The following ZNF486 variants were observed in gnomAD, a reference collection of about 807,000 sequenced individuals.
ZNF486 encodes the protein KRAB box only protein 2.
A neutral mutation model predicts 12.8 loss-of-function variants in ZNF486; 12 were observed. That is an observed-to-expected ratio of 0.94 (90% confidence interval 0.60 to 1.52). The LOEUF (loss-of-function observed/expected upper bound fraction) is 1.52. Ranked by LOEUF, ZNF486 falls within the 40% of genes most tolerant of loss-of-function variation. The probability of loss-of-function intolerance (pLI) is 0.00; values close to 1 mark genes in which losing one functional copy is unlikely to be tolerated. For synonymous variants in ZNF486, 231 were observed against 184.9 expected (o/e 1.25, Z -2.02); for missense variants, 738 against 545.0 (o/e 1.35, Z -3.53).
At chr19:20,167,840 G>T (rs551686599) in intron 1 of ZNF486, among the ~76,000 whole-genome samples, 26 of 151,428 alleles carry the variant, frequency 1.7e-4, no homozygotes, top group African/African-American at 6.3e-4. Flanking sequence ...GTAAAGGGTT[G>T]CTAGGACAAC....
intron 3 of ZNF486, among the ~76,000 whole-genome samples, chr19:20,191,377 G>T (rs901072007): frequency 6.6e-6 from 1 of 151,456 alleles, no homozygotes; most frequent in Non-Finnish European, 1.5e-5. Context: ...TGAGGCAGGA[G>T]AGTGGCGTGA....
rs1262136158 is a variant in ZNF486 at position 20,200,398 on chromosome 19, G to T, written c.*2296G>T. On this transcript the variant is annotated 3_prime_UTR_variant, in exon 4 of 4. Transcript: ENST00000335117. ...AATACTTTTCTACATTATAGTGCAAGAAATAATTATTGATAAAAGTATATT... is the reference window on the plus strand; with the variant it reads ...AATACTTTTCTACATTATAGTGCAATAAATAATTATTGATAAAAGTATATT... The T allele has an allele frequency of 6.6e-6, 1 of 152,164 alleles. No homozygotes were observed. Among genetic ancestry groups the T allele is most frequent in the African/African-American group, 2.4e-5 (1 of 41,518 alleles). The allele number at this position is 152,164 out of a possible 1,614,324, so 9.4% of individuals were successfully genotyped here. A position where few individuals can be genotyped will look rare whatever the true frequency, so the allele number is the denominator to read the frequency against.
chr19:20,185,219 CCTT>C (rs1349571166), intron 2 of ZNF486, among the ~76,000 whole-genome samples: 100 of 151,892 alleles, frequency 6.6e-4, no homozygotes, highest in African/African-American at 2.2e-3. Context: ...AGATTTTTTA[CCTT>C]CTTAGTAATT....
chr19:20,171,183 G>A (rs1339222355), intron 1 of ZNF486, among the ~76,000 whole-genome samples: 3 of 152,188 alleles, frequency 2.0e-5, no homozygotes, highest in Non-Finnish European at 4.4e-5. Flanking sequence ...GGCCTGGCCT[G>A]GAACAAAACT....
At position 20,171,395 on chromosome 19, in the gene ZNF486, C is replaced by T. The variant is rs200783271; in HGVS notation, c.30+4035C>T. ...CACAAACACACACACTAGACATTAA[C>T]GTGTCCACACTCCTCCCAGGACTAG... On this transcript the variant is annotated intron_variant, in intron 1 of 3. Coordinates refer to ENST00000335117, the MANE Select transcript of ZNF486 (RefSeq NM_052852.4). 3.3e-5 allele frequency among the ~76,000 whole-genome samples: 5 copies of T among 152,198 alleles called. No individual in the cohort carries two copies. In the South Asian group the frequency reaches 6.2e-4, roughly 19 times the overall value.
chr19:20,167,681 C>A (rs868933908), intron 1 of ZNF486, among the ~76,000 whole-genome samples: 7 of 152,098 alleles, frequency 4.6e-5, no homozygotes, highest in African/African-American at 1.2e-4. Flanking sequence ...AATCTTGACT[C>A]GGGGTGCGGG....
intron 3 of ZNF486, among the ~76,000 whole-genome samples, 184 bp downstream of exon 3, chr19:20,186,266 T>A (rs1043503972): frequency 1.3e-5 from 2 of 152,224 alleles, no homozygotes; most frequent in Non-Finnish European, 2.9e-5. Context: ...ATCTGTCTCA[T>A]GCTTTTAAAT....
chr19:20,191,969 T>C (rs1555717264), intron 3 of ZNF486, among the ~76,000 whole-genome samples: 1 of 152,204 alleles, frequency 6.6e-6, no homozygotes, highest in African/African-American at 2.4e-5. Context: ...TGTCAATATT[T>C]GCTTTATATA....
chr19:20,171,795 T>C (rs1555713915), intron 1 of ZNF486, among the ~76,000 whole-genome samples: 1 of 152,216 alleles, frequency 6.6e-6, no homozygotes, highest in Non-Finnish European at 1.5e-5. Context: ...GGGGATTTGT[T>C]GTGCAGATTA....
chr19:20,169,885 T>C (rs2089627992), intron 1 of ZNF486, among the ~76,000 whole-genome samples: 3 of 144,980 alleles, frequency 2.1e-5, no homozygotes, highest in Middle Eastern at 3.5e-3. Flanking sequence ...GATGGGGTTG[T>C]ATGTTTTTTT....
intron 2 of ZNF486, among the ~76,000 whole-genome samples, chr19:20,185,470 G>A (rs1555716261): frequency 7.0e-6 from 1 of 142,824 alleles, no homozygotes. Flanking sequence ...GAGTGCAATG[G>A]CATGATCTCA....
intron 1 of ZNF486, among the ~76,000 whole-genome samples, chr19:20,183,405 A>G (rs2089807559): frequency 2.6e-5 from 4 of 152,240 alleles, no homozygotes; most frequent in Admixed American, 2.6e-4. Context: ...ATTAGGAGAT[A>G]CCTGCTCTCT....
Position 20,188,200 on chromosome 19 carries a change from A to G in ZNF486, c.253+2118A>G, listed in dbSNP as rs145444187. On this transcript the variant is annotated intron_variant, in intron 3 of 3. Coordinates refer to ENST00000335117, the MANE Select transcript of ZNF486 (RefSeq NM_052852.4). ...AACTATCTTGTTTAAGTGAGTAGTC[A>G]TGGAGATAGTCTTTTTTTTCACCAT... Among the ~76,000 whole-genome samples the G allele has an allele frequency of 1.5e-3, 223 of 152,250 alleles. 3 individuals are homozygous for G. The highest frequency in any genetic ancestry group is 5.2e-3 in the African/African-American group (215 of 41,544).
At chr19:20,176,496 C>T (rs1348365401) in intron 1 of ZNF486, 2 of 211,454 alleles carry the variant, frequency 9.5e-6, no homozygotes, top group East Asian at 3.3e-4. Flanking sequence ...GAGGTTGTAG[C>T]CAGCTGAGAT....
chr19:20,178,493 C>T lies in ZNF486; in HGVS notation c.31-5863C>T, dbSNP rs557383745. 1.1e-4 allele frequency among the ~76,000 whole-genome samples: 16 copies of T among 152,114 alleles called. No homozygotes were observed. In the Middle Eastern group the frequency reaches 0.01, roughly 97 times the overall value. On this transcript the variant is annotated intron_variant, in intron 1 of 3. Coordinates refer to ENST00000335117, the MANE Select transcript of ZNF486 (RefSeq NM_052852.4). ...TCCTGACCTCATGATCTGCCTGTCT[C>T]GGCCTCCCAAAGTGCTGGGATTACA...
Position 20,200,026 on chromosome 19 carries a change from C to A in ZNF486, c.*1924C>A, listed in dbSNP as rs1555718671. 3 of 151,696 alleles carry A rather than the reference C, an allele frequency of 2.0e-5. No individual in the cohort carries two copies. Among genetic ancestry groups the A allele is most frequent in the Non-Finnish European group, 2.9e-5 (2 of 68,020 alleles). The allele number at this position is 151,696 out of a possible 1,614,324, so 9.4% of individuals were successfully genotyped here. On this transcript the variant is annotated 3_prime_UTR_variant, in exon 4 of 4. Transcript: ENST00000335117. ...CCTGGGAGGTGGAGGTTGCAGTGAG[C>A]CGAGGTTGCACCATTGTCCAGCCTG...
Position 20,187,168 on chromosome 19 carries a change from T to C in ZNF486, c.253+1086T>C, listed in dbSNP as rs149880337. On this transcript the variant is annotated intron_variant, in intron 3 of 3. Transcript: ENST00000335117. ...ACTTAATGCTATAGTAAATAAGATT[T>C]TTTTCTTCCTCTATTTTATCAGTTT... Among the ~76,000 whole-genome samples the C allele has an allele frequency of 2.1e-3, 316 of 152,148 alleles. 1 individual carries two copies. The highest frequency in any genetic ancestry group is 3.2e-3 in the Non-Finnish European group (215 of 67,998).
chr19:20,181,820 A>G (rs557495621), intron 1 of ZNF486, among the ~76,000 whole-genome samples: 1 of 152,340 alleles, frequency 6.6e-6, no homozygotes, highest in African/African-American at 2.4e-5. Flanking sequence ...AGAAGAAGAA[A>G]TAAAAATGCC....
chr19:20,186,977 G>T (rs1555716563), intron 3 of ZNF486, among the ~76,000 whole-genome samples: 1 of 150,784 alleles, frequency 6.6e-6, no homozygotes, highest in African/African-American at 2.5e-5. Context: ...GTAGAGAGGG[G>T]TTTCACCATG....
Sources: allele counts gnomAD v4.1 joint callset (sites outside exome capture counted in the v4.1 genomes callset), GRCh38; gene constraint gnomAD v4.1.1; transcripts MANE v1.5; gene names NCBI Gene and HGNC (gene_info 2026-07-23, HGNC 2026-07-21).